Variants in SMAP1 observed in about 807,000 individuals in gnomAD.
SMAP1 encodes small ArfGAP 1.
Under a neutral mutation model 58.5 loss-of-function variants are expected in SMAP1, and 24 were observed. That is an observed-to-expected ratio of 0.41 (90% CI 0.30 to 0.58). SMAP1 has a LOEUF of 0.58. SMAP1 is among the 20% of genes least tolerant of loss of function. SMAP1 has a pLI of 0.29. For missense variants in SMAP1, 563 were observed against 566.3 expected (o/e 0.99, Z 0.06); for synonymous variants, 216 against 196.6 (o/e 1.10, Z -0.82).
At chr6:70,712,294 A>G (rs755207817) in intron 1 of SMAP1, among the ~76,000 whole-genome samples, 4 of 152,170 alleles carry the variant, frequency 2.6e-5, no homozygotes, top group Non-Finnish European at 4.4e-5. Context: ...CACTTGGTCA[A>G]AGTGTATTAT....
Position 70,858,247 on chromosome 6 carries a change from T to C in SMAP1, c.1269+18T>C. ...TCTCACAGGTAGGGGTCATTTACTT[T>C]CTAGCTTCTCCCAAATCAAACCAGA... On this transcript the variant is annotated intron_variant, in intron 10 of 10. Transcript: ENST00000370455. 1.9e-6 allele frequency: 3 copies of C among 1,583,076 alleles called. No individual in the cohort carries two copies. The highest frequency in any genetic ancestry group is 2.6e-6 in the Non-Finnish European group (3 of 1,164,326).
In SMAP1 at chr6:70,775,716, G is replaced by C. The variant is rs558461802; in HGVS notation, c.414+2291G>C. Among the ~76,000 whole-genome samples, 6 of 152,048 alleles carry C rather than the reference G, an allele frequency of 3.9e-5. No homozygotes were observed. The South Asian group carries it at 8.3e-4, about 21-fold the overall frequency. On this transcript the variant is annotated intron_variant, in intron 4 of 10. Transcript: ENST00000370455. ...AGTAAAAATTTTAAGGTAAAAGTCTGTTTACTTCAGTATATACTCCTGAGT... is the reference window on the plus strand; with the variant it reads ...AGTAAAAATTTTAAGGTAAAAGTCTCTTTACTTCAGTATATACTCCTGAGT...
chr6:70,685,366 A>T (rs776278948), intron 1 of SMAP1, among the ~76,000 whole-genome samples: 3 of 151,464 alleles, frequency 2.0e-5, no homozygotes, highest in Non-Finnish European at 2.9e-5. Context: ...ACCCTACCCT[A>T]CCTTGCCCTG....
At chr6:70,831,877 C>T (rs554658175) in intron 6 of SMAP1, among the ~76,000 whole-genome samples, 1 of 152,248 alleles carries the variant, frequency 6.6e-6, no homozygotes, top group Non-Finnish European at 1.5e-5. Flanking sequence ...ATTTACATTC[C>T]TACCAGCAGT....
intron 7 of SMAP1, chr6:70,837,881 A>G: frequency 8.2e-7 from 1 of 1,212,398 alleles, no homozygotes; most frequent in Non-Finnish European, 1.1e-6. Context: ...CCTAGTTGTT[A>G]TTGAATAAAT....
At chr6:70,804,580 T>G (rs1185254480) in intron 6 of SMAP1, among the ~76,000 whole-genome samples, 2 of 152,212 alleles carry the variant, frequency 1.3e-5, no homozygotes, top group East Asian at 3.9e-4. Context: ...TGATGCAGTT[T>G]CTTCATAGCA....
chr6:70,797,577 A>G (rs1315799125), intron 5 of SMAP1, among the ~76,000 whole-genome samples: 2 of 152,102 alleles, frequency 1.3e-5, no homozygotes, highest in Non-Finnish European at 2.9e-5. Context: ...TGAACTTTAT[A>G]TGAATGGTTG....
intron 5 of SMAP1, among the ~76,000 whole-genome samples, chr6:70,797,261 T>C (rs1768644046): frequency 6.6e-6 from 1 of 152,164 alleles, no homozygotes; most frequent in Non-Finnish European, 1.5e-5. Flanking sequence ...ATTTGTGTAG[T>C]GCTTTATAGT....
At chr6:70,857,114 T>C in intron 9 of SMAP1, 84 bp downstream of exon 9, 1 of 1,339,316 alleles carries the variant, frequency 7.5e-7, no homozygotes, top group Non-Finnish European at 1.0e-6. Flanking sequence ...TTATATATCT[T>C]TTATTGTTCC....
chr6:70,782,897 G>A (rs913138135), intron 4 of SMAP1, among the ~76,000 whole-genome samples: 4 of 152,112 alleles, frequency 2.6e-5, no homozygotes, highest in African/African-American at 9.7e-5. Flanking sequence ...CGGAGAAGAC[G>A]GGTGATTTCT....
chr6:70,800,833 G>A (rs766052570), intron 6 of SMAP1, among the ~76,000 whole-genome samples: 4 of 152,046 alleles, frequency 2.6e-5, no homozygotes, highest in Non-Finnish European at 4.4e-5. Flanking sequence ...ATGTCCCTGT[G>A]AAGGACATGA....
intron 6 of SMAP1, among the ~76,000 whole-genome samples, chr6:70,826,918 GA>G (rs1770145458): frequency 4.1e-5 from 5 of 122,096 alleles, no homozygotes; most frequent in Admixed American, 4.1e-4. Context: ...CTGGGCAACA[GA>G]GTGAAACCGT....
chr6:70,836,113 C>T (rs1245913768), intron 6 of SMAP1, among the ~76,000 whole-genome samples: 1 of 152,126 alleles, frequency 6.6e-6, no homozygotes, highest in Non-Finnish European at 1.5e-5. Context: ...CAAGGCCTCC[C>T]CAGTCTCAGC....
At chr6:70,729,458 GTTGTGTGTGT>G (rs1765331294) in intron 1 of SMAP1, among the ~76,000 whole-genome samples, 1 of 35,412 alleles carries the variant, frequency 2.8e-5, no homozygotes, top group Admixed American at 2.9e-4. Context: ...AAAAAAGAAG[GTTGTGTGTGT>G]GTGTGTGTGT....
At chr6:70,699,178 G>C (rs907844149) in intron 1 of SMAP1, among the ~76,000 whole-genome samples, 4 of 152,152 alleles carry the variant, frequency 2.6e-5, no homozygotes, top group Non-Finnish European at 5.9e-5. Context: ...GGTGGTCTTA[G>C]GTGAGATCTG....
intron 4 of SMAP1, among the ~76,000 whole-genome samples, chr6:70,790,385 T>C (rs140208058): frequency 6.6e-6 from 1 of 152,260 alleles, no homozygotes; most frequent in Non-Finnish European, 1.5e-5. Context: ...GTGATCTGCG[T>C]GCCTTGGCCT....
chr6:70,762,007 C>T (rs1020355656), intron 3 of SMAP1, among the ~76,000 whole-genome samples: 34 of 151,870 alleles, frequency 2.2e-4, no homozygotes, highest in Non-Finnish European at 1.0e-4. Context: ...CAATAACTGC[C>T]GGTGTAATAA....
chr6:70,836,836 A>T (rs1043596352), intron 6 of SMAP1, 105 bp from the exon 7 acceptor site: 7 of 896,222 alleles, frequency 7.8e-6, no homozygotes, highest in African/African-American at 6.9e-5. Flanking sequence ...TATGTTTCAT[A>T]TTTTTTTTAC....
intron 5 of SMAP1, among the ~76,000 whole-genome samples, chr6:70,796,347 T>G (rs1052147183): frequency 2.0e-5 from 3 of 152,224 alleles, no homozygotes; most frequent in Admixed American, 1.3e-4. Context: ...GGCTCCATAG[T>G]CCCTCAGTCC....
Sources: gnomAD v4.1 joint callset for allele counts (sites outside exome capture counted in the v4.1 genomes callset) on GRCh38, gnomAD v4.1.1 for gene constraint, MANE v1.5 for transcripts, NCBI Gene and HGNC (gene_info 2026-07-23, HGNC 2026-07-21) for gene names.